KCNE2: variants seen among roughly 807,000 people sequenced by gnomAD.
KCNE2 encodes potassium voltage-gated channel subfamily E member 2.
Under a neutral mutation model 4.5 loss-of-function variants are expected in KCNE2, and 4 were observed. The ratio of observed to expected loss-of-function variants is 0.89; its 90% CI spans 0.44 to 2.03. KCNE2 has a LOEUF of 2.03. Ranked by LOEUF, KCNE2 falls within the 30% of genes most tolerant of loss-of-function variation. The pLI, the probability that KCNE2 is intolerant of heterozygous loss-of-function variation, is 0.03. For missense variants in KCNE2, 137 were observed against 151.4 expected (o/e 0.90, Z 0.50); for synonymous variants, 57 against 55.9 (o/e 1.02, Z -0.09).
chr21:34,364,674 G>T (rs1481026103), intron 1 of KCNE2, among the ~76,000 whole-genome samples: 1 of 152,018 alleles, frequency 6.6e-6, no homozygotes, highest in Non-Finnish European at 1.5e-5. Flanking sequence ...TCAGGAAGCT[G>T]AGGCAGGAGA....
Position 34,370,825 on chromosome 21 carries a change from C to G in KCNE2, c.347C>G (p.Ala116Gly). The G allele has an allele frequency of 6.2e-7, 1 of 1,614,068 alleles. No homozygotes were observed. The highest frequency in any genetic ancestry group is 1.7e-5 in the Admixed American group (1 of 60,020). ...SKATIHENIGAAGFKMSP is the reference protein window; with the variant it reads ...SKATIHENIGGAGFKMSP Reference sequence around the variant, plus strand: ...GCCACCATCCATGAGAACATTGGTGCGGCTGGGTTCAAAATGTCCCCCTGA... The same window carrying G: ...GCCACCATCCATGAGAACATTGGTGGGGCTGGGTTCAAAATGTCCCCCTGA... The change falls in exon 2 of 2, where the codon GCG becomes GGG. Residue 116 changes from alanine (A) to glycine (G), a missense_variant. Ala to Gly is a moderately conservative substitution (Grantham distance 60, BLOSUM62 0). Transcript: ENST00000290310.
Position 34,366,935 on chromosome 21 carries a change from C to T in KCNE2, c.-13+2784C>T, listed in dbSNP as rs531523265. ...CAGAGCTTGCAGTAAGCCGAGATCG[C>T]GCCACTGCACTCCAGCCTGGGCAAA... is the stretch of plus-strand genomic sequence containing the variant. On this transcript the variant is annotated intron_variant, in intron 1 of 1. Transcript: ENST00000290310. 5.2e-3 allele frequency among the ~76,000 whole-genome samples: 712 copies of T among 136,606 alleles called. 3 individuals carry two copies. The highest frequency in any genetic ancestry group is 7.2e-3 in the Non-Finnish European group (467 of 65,290). The allele number at this position is 136,606 out of a possible 152,430, so 89.6% of individuals were successfully genotyped here.
At position 34,366,898 on chromosome 21, in the gene KCNE2, A is replaced by G. The variant is rs559795041; in HGVS notation, c.-13+2747A>G. 1.2e-3 allele frequency among the ~76,000 whole-genome samples: 175 copies of G among 148,864 alleles called. 9 individuals carry two copies. Among genetic ancestry groups the G allele is most frequent in the Non-Finnish European group, 3.6e-4 (24 of 67,448 alleles). The stretch of plus-strand genomic sequence containing the variant: ...GGAGGCTGAGGCAGGAGAATGGCGT[A>G]AACCCGGGAGGCAGAGCTTGCAGTA... On this transcript the variant is annotated intron_variant, in intron 1 of 1. Transcript: ENST00000290310.
intron 1 of KCNE2, among the ~76,000 whole-genome samples, chr21:34,368,265 T>A (rs1230143824): frequency 1.4e-5 from 1 of 72,610 alleles, no homozygotes; most frequent in Non-Finnish European, 2.5e-5. Flanking sequence ...TATATATGTA[T>A]GTTATATATA....
intron 1 of KCNE2, among the ~76,000 whole-genome samples, chr21:34,366,689 C>T (rs760549875): frequency 2.6e-5 from 4 of 151,796 alleles, no homozygotes; most frequent in South Asian, 2.1e-4. Flanking sequence ...AATTCAAAAA[C>T]GAAAACAAGG....
chr21:34,364,658 A>G (rs991298509), intron 1 of KCNE2, among the ~76,000 whole-genome samples: 1 of 152,014 alleles, frequency 6.6e-6, no homozygotes, highest in Admixed American at 6.6e-5. Flanking sequence ...CTGTAGTCCC[A>G]GCTACTCAGG....
chr21:34,368,427 C>T (rs797000609), intron 1 of KCNE2, among the ~76,000 whole-genome samples: 12 of 151,634 alleles, frequency 7.9e-5, no homozygotes, highest in African/African-American at 1.9e-4. Context: ...GGCGAAACCC[C>T]GTCTCTACTA....
intron 1 of KCNE2, among the ~76,000 whole-genome samples, chr21:34,369,458 G>A (rs952951308): frequency 2.0e-4 from 30 of 152,158 alleles, no homozygotes; most frequent in Non-Finnish European, 4.0e-4. Flanking sequence ...GCTGAGGCAT[G>A]AGAATTGCTT....
intron 1 of KCNE2, among the ~76,000 whole-genome samples, chr21:34,365,741 G>A (rs1263055498): frequency 2.0e-5 from 3 of 152,184 alleles, no homozygotes; most frequent in Non-Finnish European, 4.4e-5. Flanking sequence ...TATGGTTGAT[G>A]TCTATCAGTC....
At chr21:34,368,248 ATATATATATATATG>A in intron 1 of KCNE2, among the ~76,000 whole-genome samples, 1 of 102,666 alleles carries the variant, frequency 9.7e-6, no homozygotes, top group South Asian at 3.5e-4. Flanking sequence ...ATATATATAT[ATATATATATATATG>A]TATGTTATAT....
chr21:34,364,886 A>G (rs778898452), intron 1 of KCNE2, among the ~76,000 whole-genome samples: 10 of 152,194 alleles, frequency 6.6e-5, no homozygotes, highest in Non-Finnish European at 1.5e-4. Context: ...TCATGACAGG[A>G]ATGGCTGGAA....
chr21:34,370,725 C>A lies in KCNE2; in HGVS notation c.247C>A (p.Pro83Thr). ...CAAGAGACGGGAACACTCCAATGAC[C>A]CCTACCACCAGTACATTGTAGAGGA... is the stretch of plus-strand genomic sequence containing the variant. ...KSKRREHSND[P>T]YHQYIVEDWQ... The change falls in exon 2 of 2, where the codon CCC becomes ACC. Residue 83 changes from proline to threonine, a missense_variant. Pro to Thr is a conservative substitution (Grantham distance 38, BLOSUM62 -1). Coordinates refer to ENST00000290310, the MANE Select transcript of KCNE2 (RefSeq NM_172201.2). 1 of 1,614,154 alleles carries A rather than the reference C, an allele frequency of 6.2e-7. No individual in the cohort carries two copies. Among genetic ancestry groups the A allele is most frequent in the African/African-American group, 1.3e-5 (1 of 75,016 alleles).
rs187254388 is a variant in KCNE2, at chr21:34,368,554, C to T, written c.-12-1913C>T. ...GGCAGAGGTTGCAGTGAGCCAAGATCGCGCCACTGCACTCCAGCCTGGGTG... is the reference window on the plus strand; with the variant it reads ...GGCAGAGGTTGCAGTGAGCCAAGATTGCGCCACTGCACTCCAGCCTGGGTG... On this transcript the variant is annotated intron_variant, in intron 1 of 1. Transcript: ENST00000290310. Among the ~76,000 whole-genome samples the T allele has an allele frequency of 5.0e-4, 76 of 151,990 alleles. 1 individual carries two copies. The highest frequency in any genetic ancestry group is 1.6e-3 in the African/African-American group (68 of 41,434).
chr21:34,367,934 GC>G lies in KCNE2; in HGVS notation c.-12-2528del, dbSNP rs1018375072. ...AACCGTGTTCAGCTCCATTTTCTGA[GC>G]CCCCTTATCTTTTTGTCCATACCTG... is the stretch of plus-strand genomic sequence containing the variant. On this transcript the variant is annotated intron_variant, in intron 1 of 1. Transcript: ENST00000290310. 2.4e-4 allele frequency among the ~76,000 whole-genome samples: 36 copies of G among 151,868 alleles called. 2 individuals are homozygous for G. The highest frequency in any genetic ancestry group is 6.2e-4 in the South Asian group (3 of 4,808).
At chr21:34,368,190 C>T (rs1234921603) in intron 1 of KCNE2, among the ~76,000 whole-genome samples, 2 of 128,298 alleles carry the variant, frequency 1.6e-5, no homozygotes, top group African/African-American at 6.2e-5. Flanking sequence ...AGCCCCTAAA[C>T]CAATAATCAC....
At chr21:34,367,596 T>C (rs1979365355) in intron 1 of KCNE2, among the ~76,000 whole-genome samples, 2 of 152,206 alleles carry the variant, frequency 1.3e-5, no homozygotes, top group Non-Finnish European at 2.9e-5. Flanking sequence ...GAAGAGTATA[T>C]TATCTTGGTG....
At chr21:34,367,984 T>C (rs1406239004) in intron 1 of KCNE2, among the ~76,000 whole-genome samples, 3 of 152,026 alleles carry the variant, frequency 2.0e-5, no homozygotes, top group African/African-American at 7.3e-5. Flanking sequence ...CACGTTGCAT[T>C]GTCATTGATT....
intron 1 of KCNE2, among the ~76,000 whole-genome samples, chr21:34,369,794 G>T (rs1411100058): frequency 1.3e-5 from 2 of 152,180 alleles, no homozygotes; most frequent in Non-Finnish European, 2.9e-5. Flanking sequence ...TTCAAATATA[G>T]ATGTACACAC....
chr21:34,366,585 G>C (rs935426484), intron 1 of KCNE2, among the ~76,000 whole-genome samples: 1 of 152,006 alleles, frequency 6.6e-6, no homozygotes, highest in Non-Finnish European at 1.5e-5. Flanking sequence ...TCCTGTCATC[G>C]GGACTCAGTT....
Sources: allele counts gnomAD v4.1 joint callset (sites outside exome capture counted in the v4.1 genomes callset), GRCh38; gene constraint gnomAD v4.1.1; transcripts MANE v1.5; gene names NCBI Gene and HGNC (gene_info 2026-07-23, HGNC 2026-07-21).